The following PTPRN2 variants were observed in gnomAD, a reference collection of about 807,000 sequenced individuals.
PTPRN2 encodes receptor-type tyrosine-protein phosphatase N2.
Under a neutral mutation model 118.8 loss-of-function variants are expected in PTPRN2, and 74 were observed. That is an observed-to-expected ratio of 0.62 (90% CI 0.52 to 0.76). The LOEUF (loss-of-function observed/expected upper bound fraction) is 0.76. PTPRN2 is among the 30% of genes least tolerant of loss of function. The pLI is 0.00. For missense variants in PTPRN2, 1,481 were observed against 1,394.4 expected (o/e 1.06, Z -0.99); for synonymous variants, 641 against 608.0 (o/e 1.05, Z -0.80).
chr7:158,306,855 GTTTTTTT>G (rs61276074), intron 3 of PTPRN2, among the ~76,000 whole-genome samples: 5 of 121,420 alleles, frequency 4.1e-5, no homozygotes, highest in African/African-American at 1.6e-4. Flanking sequence ...GCTGTTTTTT[GTTTTTTT>G]TTTTTTTTTT....
chr7:157,871,798 C>A (rs1811065816), intron 12 of PTPRN2, among the ~76,000 whole-genome samples: 1 of 151,704 alleles, frequency 6.6e-6, no homozygotes, highest in South Asian at 2.1e-4. Context: ...AATACCTACA[C>A]ACCCACACAC....
intron 3 of PTPRN2, among the ~76,000 whole-genome samples, chr7:158,274,075 C>G (rs575899585): frequency 7.1e-6 from 1 of 141,228 alleles, no homozygotes; most frequent in Non-Finnish European, 1.5e-5. Flanking sequence ...CAGGGGGAGC[C>G]GCAGACACAG....
At chr7:158,481,588 C>A (rs148172485) in intron 2 of PTPRN2, among the ~76,000 whole-genome samples, 2 of 152,200 alleles carry the variant, frequency 1.3e-5, no homozygotes, top group East Asian at 1.9e-4. Flanking sequence ...CTCAGCCTCC[C>A]GCATAGCTGG....
chr7:158,396,204 G>A lies in PTPRN2; in HGVS notation c.164-79272C>T, dbSNP rs530285562. Among the ~76,000 whole-genome samples the A allele has an allele frequency of 9.2e-5, 14 of 152,300 alleles. No individual in the cohort carries two copies. In the South Asian group the frequency reaches 2.3e-3, roughly 25 times the overall value. On this transcript the variant is annotated intron_variant, in intron 2 of 22. Transcript: ENST00000389418. Reference sequence around the variant, plus strand: ...GGGAGACAGCGCCCAGCCAGGGCTGGTTTTCTCACCGTCATTGTCAAAGGC... The same window carrying A: ...GGGAGACAGCGCCCAGCCAGGGCTGATTTTCTCACCGTCATTGTCAAAGGC...
chr7:157,912,087 T>C (rs1297782228), intron 11 of PTPRN2, among the ~76,000 whole-genome samples: 1 of 152,220 alleles, frequency 6.6e-6, no homozygotes, highest in Non-Finnish European at 1.5e-5. Context: ...TGTAGAGAAT[T>C]TTCTCCAGTA....
intron 12 of PTPRN2, among the ~76,000 whole-genome samples, chr7:157,802,835 A>C (rs927539651): frequency 6.6e-6 from 1 of 152,152 alleles, no homozygotes; most frequent in African/African-American, 2.4e-5. Context: ...GCATCTTTCC[A>C]TGTACAGTGT....
intron 12 of PTPRN2, among the ~76,000 whole-genome samples, chr7:157,880,697 C>T (rs1796061274): frequency 6.6e-6 from 1 of 152,210 alleles, no homozygotes; most frequent in Admixed American, 6.5e-5. Flanking sequence ...TCAGACTGAA[C>T]CGTGGATCTG....
chr7:158,076,953 C>T lies in PTPRN2; in HGVS notation c.1723+4345G>A, dbSNP rs552882728. Among the ~76,000 whole-genome samples, 5 of 152,332 alleles carry T rather than the reference C, an allele frequency of 3.3e-5. No homozygotes were observed. In the South Asian group the frequency reaches 6.2e-4, roughly 19 times the overall value. ...CGGAGCGGACCAGACTGTGAAGCAC[C>T]GATGCCTGCCTGGGGTCGATAGTTA... On this transcript the variant is annotated intron_variant, in intron 11 of 22. Coordinates refer to ENST00000389418, the MANE Select transcript of PTPRN2 (RefSeq NM_002847.5).
intron 11 of PTPRN2, among the ~76,000 whole-genome samples, chr7:158,024,163 G>C (rs1471713940): frequency 6.6e-6 from 1 of 152,134 alleles, no homozygotes; most frequent in Non-Finnish European, 1.5e-5. Context: ...CAAAGCTCCG[G>C]GATGTTGTGA....
At chr7:157,799,065 G>A (rs952092908) in intron 12 of PTPRN2, among the ~76,000 whole-genome samples, 9 of 152,180 alleles carry the variant, frequency 5.9e-5, no homozygotes, top group African/African-American at 1.9e-4. Context: ...ACTGAATAAC[G>A]TGGCAAGCCC....
At position 157,632,232 on chromosome 7, in the gene PTPRN2, C is replaced by T. The variant is rs1409917734; in HGVS notation, c.2197-10723G>A. On this transcript the variant is annotated intron_variant, in intron 14 of 22. Transcript: ENST00000389418. The surrounding 1 kb of genome is among the most constrained non-coding windows in gnomAD (Gnocchi z 4.3). ...GTACTTCCTGGAGTCCACAGCCGGC[C>T]CAGTCTCTGCCTCACCTCTAGAAGG... is the stretch of plus-strand genomic sequence containing the variant. 6.6e-6 allele frequency among the ~76,000 whole-genome samples: 1 copy of T among 152,182 alleles called. No individual in the cohort carries two copies. Among genetic ancestry groups the T allele is most frequent in the Non-Finnish European group, 1.5e-5 (1 of 68,042 alleles).
chr7:157,833,611 C>A (rs564410444), intron 12 of PTPRN2, among the ~76,000 whole-genome samples: 1 of 150,414 alleles, frequency 6.6e-6, no homozygotes, highest in African/African-American at 2.4e-5. Context: ...AAGTGTGTGA[C>A]GTGGCCGGAG....
At position 158,192,349 on chromosome 7, in the gene PTPRN2, G is replaced by A. The variant is rs752408069; in HGVS notation, c.527C>T (p.Ala176Val). ...ASDVLARTHT[A>V]QDRPPAEGDD... ...CACCTCAGCGGGGGGTCTGTCCTGC[G>A]CCGTATGGGTCCTGGCGAGCACGTC... The change falls in exon 5 of 23, where the codon GCG (alanine) becomes GTG (valine). Residue 176 changes from alanine to valine, a missense_variant. By Grantham distance (64) the Ala-to-Val change is moderately conservative. Coordinates refer to ENST00000389418, the MANE Select transcript of PTPRN2 (RefSeq NM_002847.5). 148 of 1,510,246 alleles carry A rather than the reference G, an allele frequency of 9.8e-5. No homozygotes were observed. Among genetic ancestry groups the A allele is most frequent in the Non-Finnish European group, 1.2e-4 (134 of 1,141,666 alleles). 93.6% of individuals were successfully genotyped at this position (1,510,246 alleles called of 1,614,324 possible). A position where few individuals can be genotyped will look rare whatever the true frequency, so the allele number is the denominator to read the frequency against.
intron 12 of PTPRN2, among the ~76,000 whole-genome samples, chr7:157,760,270 A>G (rs2151004984): frequency 6.6e-6 from 1 of 151,986 alleles, no homozygotes; most frequent in South Asian, 2.1e-4. Context: ...AATCCCACCC[A>G]GGTTTGGCTC....
intron 11 of PTPRN2, among the ~76,000 whole-genome samples, chr7:158,002,701 T>C (rs1285828942): frequency 2.0e-5 from 3 of 152,162 alleles, no homozygotes; most frequent in African/African-American, 7.2e-5. Context: ...GCCTGCTCCC[T>C]GGAAGCAGAT....
intron 1 of PTPRN2, among the ~76,000 whole-genome samples, chr7:158,542,949 C>T (rs768138614): frequency 3.1e-4 from 47 of 152,198 alleles, no homozygotes; most frequent in Admixed American, 5.2e-4. Flanking sequence ...GACCACAAAG[C>T]CCCAGCTCTC....
intron 6 of PTPRN2, among the ~76,000 whole-genome samples, chr7:158,145,559 G>A (rs1043468443): frequency 5.3e-5 from 8 of 152,236 alleles, no homozygotes; most frequent in South Asian, 2.1e-4. Context: ...AAATGGCAAC[G>A]TGAGCAGAAA....
rs77714729 is a variant in PTPRN2, at chr7:158,555,859, G to T, written c.112+31699C>A. 2.0e-5 allele frequency among the ~76,000 whole-genome samples: 3 copies of T among 151,820 alleles called. No homozygotes were observed. Among genetic ancestry groups the T allele is most frequent in the Non-Finnish European group, 2.9e-5 (2 of 67,996 alleles). On this transcript the variant is annotated intron_variant, in intron 1 of 22. Coordinates refer to ENST00000389418, the MANE Select transcript of PTPRN2 (RefSeq NM_002847.5). This position sits in a 1 kb window ranked among gnomAD's most constrained non-coding sequence, Gnocchi z 4.7. ...CATCCTATCTTCGAGGACCCAGCTC[G>T]CAGAGAACAAAATCTGTGAACAATA...
At chr7:157,818,090 G>A (rs746396289) in intron 12 of PTPRN2, among the ~76,000 whole-genome samples, 2 of 151,518 alleles carry the variant, frequency 1.3e-5, no homozygotes, top group Non-Finnish European at 1.5e-5. Context: ...TGCATATGTG[G>A]TATGTGTGTT....
Sources: gnomAD v4.1 joint callset for allele counts (sites outside exome capture counted in the v4.1 genomes callset) on GRCh38, gnomAD v4.1.1 for gene constraint, Gnocchi (gnomAD v3.1) non-coding constraint, MANE v1.5 for transcripts, NCBI Gene and HGNC (gene_info 2026-07-23, HGNC 2026-07-21) for gene names.